Variants in CXADR observed in about 807,000 individuals in gnomAD.
CXADR encodes the protein coxsackievirus and adenovirus receptor.
Under a neutral mutation model 40.3 loss-of-function variants are expected in CXADR, and 20 were observed. The ratio of observed to expected loss-of-function variants is 0.50; its 90% CI spans 0.35 to 0.72. CXADR has a LOEUF of 0.72. Among genes scored for constraint, CXADR ranks in the 30% least tolerant of loss-of-function variants. The pLI, the probability that CXADR is intolerant of heterozygous loss-of-function variation, is 0.01. For missense variants in CXADR, 332 were observed against 449.1 expected (o/e 0.74, Z 2.36); for synonymous variants, 150 against 161.3 (o/e 0.93, Z 0.53).
chr21:17,551,277 G>C (rs1216420067), intron 2 of CXADR, among the ~76,000 whole-genome samples: 1 of 152,132 alleles, frequency 6.6e-6, no homozygotes, highest in Non-Finnish European at 1.5e-5. Context: ...GCACGTGCCT[G>C]AAGTCTCAGC....
chr21:17,587,910 A>G (rs903957363), intron 7 of CXADR, among the ~76,000 whole-genome samples: 1 of 152,120 alleles, frequency 6.6e-6, no homozygotes, highest in South Asian at 2.1e-4. Context: ...TAATTTTTGT[A>G]TAAGGTGTAA....
chr21:17,552,027 C>G, intron 3 of CXADR, 74 bp downstream of exon 3: 1 of 1,130,446 alleles, frequency 8.8e-7, no homozygotes, highest in Non-Finnish European at 1.3e-6. Flanking sequence ...AGTAGCAGCA[C>G]TTGTATAAAA....
At position 17,568,125 on chromosome 21, in the gene CXADR, CTTTTT is replaced by C. The variant is rs33987267; in HGVS notation, c.*2450_*2454del. ...AGATCAGTCAAGGACAGTACTGCAT[CTTTTT>C]TTTTTTTTTTTTTTTTAAGACGGAG... On this transcript the variant is annotated 3_prime_UTR_variant, in exon 7 of 7. Coordinates refer to ENST00000284878, the MANE Select transcript of CXADR (RefSeq NM_001338.5). 10 of 830,450 alleles carry C rather than the reference CTTTTT, an allele frequency of 1.2e-5. No homozygotes were observed. Among genetic ancestry groups the C allele is most frequent in the Admixed American group, 9.8e-5 (1 of 10,182 alleles). 51.4% of individuals were successfully genotyped at this position (830,450 alleles called of 1,614,324 possible).
the CXADR span, among the ~76,000 whole-genome samples, chr21:17,617,123 G>A: frequency 6.6e-6 from 1 of 152,146 alleles, no homozygotes; most frequent in Non-Finnish European, 1.5e-5. Context: ...AGAAGAAAAT[G>A]CTTTGATCAA....
chr21:17,618,528 CTTTT>C, the CXADR span, among the ~76,000 whole-genome samples: 1 of 152,000 alleles, frequency 6.6e-6, no homozygotes. Context: ...AAATATATTT[CTTTT>C]TCTTTTCTTT....
In CXADR at chr21:17,565,897, A is replaced by C; in HGVS notation, c.*205A>C. 2.4e-6 allele frequency: 3 copies of C among 1,239,188 alleles called. No homozygotes were observed. The highest frequency in any genetic ancestry group is 3.0e-6 in the Non-Finnish European group (3 of 989,502). 76.8% of individuals were successfully genotyped at this position (1,239,188 alleles called of 1,614,324 possible). On this transcript the variant is annotated 3_prime_UTR_variant, in exon 7 of 7. Transcript: ENST00000284878. ...CACTAAAGTTAGTAAAGAAAAGTTT[A>C]CCATCTGAAAAAGCTGGATTTTCTT...
rs551873842 is a variant in CXADR at position 17,543,812 on chromosome 21, A to T, written c.44-3215A>T. On this transcript the variant is annotated intron_variant, in intron 1 of 6. Transcript: ENST00000284878. ...AATAGTAAATCAGGGCATGCATTTT[A>T]AAAGTTCGCAAAAATACAAGGTAAC... Among the ~76,000 whole-genome samples the T allele has an allele frequency of 1.3e-4, 20 of 152,296 alleles. No individual in the cohort carries two copies. In the South Asian group the frequency reaches 4.1e-3, roughly 32 times the overall value.
intron 1 of CXADR, chr21:17,542,012 G>C (rs922373341): frequency 2.5e-5 from 9 of 365,478 alleles, no homozygotes; most frequent in African/African-American, 4.4e-5. Flanking sequence ...TATTTTGCCT[G>C]AAACAATTAT....
rs150939299 is a variant in CXADR at position 17,584,637 on chromosome 21, C to T, written c.1018-8515C>T. ...ACGAGGTCAGGAGTTTGAGACCAGC[C>T]TGGCCAACATAGTGAAACCCTGTCT... On this transcript the variant is annotated intron_variant, in intron 7 of 7. Transcript: ENST00000400169. Among the ~76,000 whole-genome samples the T allele has an allele frequency of 6.2e-3, 951 of 152,316 alleles. 45 individuals are homozygous for T. The East Asian group carries it at 0.11, about 17-fold the overall frequency.
chr21:17,634,518 TAGAGAA>T, the CXADR span, among the ~76,000 whole-genome samples: 2 of 152,190 alleles, frequency 1.3e-5, no homozygotes, highest in African/African-American at 4.8e-5. Context: ...CAGATGTAGC[TAGAGAA>T]AGGTCAGTTG....
intron 1 of CXADR, among the ~76,000 whole-genome samples, chr21:17,540,318 A>G (rs2060811580): frequency 6.6e-6 from 1 of 152,196 alleles, no homozygotes; most frequent in Admixed American, 6.5e-5. Context: ...CCGTCCCCCA[A>G]AAGTATTTTT....
chr21:17,614,774 A>T, the CXADR span, among the ~76,000 whole-genome samples: 1 of 152,162 alleles, frequency 6.6e-6, no homozygotes. Flanking sequence ...ATAGCTGAAC[A>T]CTGTGAAATA....
At chr21:17,593,274 A>G in exon 8 of CXADR, 1 of 1,226,232 alleles carries the variant, frequency 8.2e-7, no homozygotes, top group African/African-American at 1.6e-5. Context: ...ATGTTTTTTA[A>G]AAAAAGCACA....
At chr21:17,605,535 A>G in the CXADR span, among the ~76,000 whole-genome samples, 20 of 152,196 alleles carry the variant, frequency 1.3e-4, no homozygotes, top group Middle Eastern at 3.2e-3. Context: ...AGATTCATTC[A>G]TATCATATAC....
intron 1 of CXADR, among the ~76,000 whole-genome samples, chr21:17,524,572 T>A (rs2060573545): frequency 2.2e-5 from 1 of 45,466 alleles, no homozygotes; most frequent in South Asian, 1.3e-3. Flanking sequence ...CAAGACTCTA[T>A]CTCAAAAAAA....
chr21:17,562,903 G>C (rs2061144075), intron 6 of CXADR, among the ~76,000 whole-genome samples: 1 of 152,176 alleles, frequency 6.6e-6, no homozygotes, highest in Non-Finnish European at 1.5e-5. Flanking sequence ...AATAGAGTTA[G>C]GGCCTTGCTC....
intron 1 of CXADR, among the ~76,000 whole-genome samples, chr21:17,544,557 C>T (rs980627534): frequency 6.6e-6 from 1 of 152,026 alleles, no homozygotes; most frequent in African/African-American, 2.4e-5. Flanking sequence ...GCTGAGTGTT[C>T]GAGGGTTGGC....
At chr21:17,633,926 A>G in the CXADR span, among the ~76,000 whole-genome samples, 4 of 152,172 alleles carry the variant, frequency 2.6e-5, no homozygotes, top group Non-Finnish European at 5.9e-5. Flanking sequence ...ATAAATTTGT[A>G]TGCCTGTTCT....
chr21:17,544,738 T>G (rs1379009111), intron 1 of CXADR, among the ~76,000 whole-genome samples: 1 of 152,172 alleles, frequency 6.6e-6, no homozygotes, highest in African/African-American at 2.4e-5. Context: ...AGGGAGCAGG[T>G]GCAGATAATT....
Sources: gnomAD v4.1 joint callset for allele counts (sites outside exome capture counted in the v4.1 genomes callset) on GRCh38, gnomAD v4.1.1 for gene constraint, MANE v1.5 for transcripts, NCBI Gene and HGNC (gene_info 2026-07-23, HGNC 2026-07-21) for gene names.